ADGRL2: variants seen among roughly 807,000 people sequenced by gnomAD.
The protein encoded by ADGRL2 is adhesion G protein-coupled receptor L2, also known as calcium-independent alpha-latrotoxin receptor 2.
Under a neutral mutation model 157.4 loss-of-function variants are expected in ADGRL2, and 44 were observed. That is an observed-to-expected ratio of 0.28 (90% CI 0.22 to 0.36). The LOEUF (loss-of-function observed/expected upper bound fraction) is 0.36, where lower values mean the gene tolerates loss of function less well. Ranked by LOEUF, ADGRL2 falls within the 10% of genes least tolerant of loss-of-function variation. The pLI is 1.00. For synonymous variants in ADGRL2, 585 were observed against 624.7 expected, an observed-to-expected ratio of 0.94 and a Z score of 0.95; for missense variants, 1,510 against 1,768.9, an observed-to-expected ratio of 0.85 and a Z score of 2.63.
intron 1 of ADGRL2, among the ~76,000 whole-genome samples, chr1:81,437,746 C>T (rs1158022012): frequency 6.6e-6 from 1 of 152,164 alleles, no homozygotes; most frequent in Non-Finnish European, 1.5e-5. Context: ...AAGCTGTTTT[C>T]ATTTGCATGT....
chr1:81,914,234 A>G (rs568223386), intron 3 of ADGRL2, among the ~76,000 whole-genome samples: 157 of 152,252 alleles, frequency 1.0e-3, no homozygotes, highest in African/African-American at 3.7e-3. Flanking sequence ...TCAGAGCTAT[A>G]TGAAAGATAT....
intron 1 of ADGRL2, among the ~76,000 whole-genome samples, chr1:81,423,000 T>A (rs534620198): frequency 6.6e-6 from 1 of 152,334 alleles, no homozygotes; most frequent in East Asian, 1.9e-4. Context: ...ACTCATTCCA[T>A]GTGTTTTATC....
At chr1:81,797,532 G>T (rs1359288041), upstream of ADGRL2, among the ~76,000 whole-genome samples, 1 of 152,154 alleles carries the variant, frequency 6.6e-6, no homozygotes. Context: ...GAGTAGGGCA[G>T]TGAAAGTGAT....
At chr1:81,799,345 C>T (rs1571266046), upstream of ADGRL2, among the ~76,000 whole-genome samples, 1 of 152,242 alleles carries the variant, frequency 6.6e-6, no homozygotes, top group South Asian at 2.1e-4. Context: ...CTCCTTTTAT[C>T]TTTTGAAATA....
chr1:81,915,711 C>T (rs948034114), intron 3 of ADGRL2, among the ~76,000 whole-genome samples: 3 of 152,118 alleles, frequency 2.0e-5, no homozygotes, highest in Non-Finnish European at 4.4e-5. Flanking sequence ...AGCCATATCT[C>T]ATTTCAACTT....
intron 2 of ADGRL2, among the ~76,000 whole-genome samples, chr1:81,470,179 C>T (rs2078142072): frequency 6.6e-6 from 1 of 152,178 alleles, no homozygotes; most frequent in African/African-American, 2.4e-5. Context: ...GAAGGAAGAC[C>T]TAGGACTGAT....
At chr1:81,631,197 G>A (rs1054481305) in intron 3 of ADGRL2, among the ~76,000 whole-genome samples, 4 of 151,654 alleles carry the variant, frequency 2.6e-5, no homozygotes, top group African/African-American at 4.8e-5. Context: ...GGAACCAACC[G>A]ACCTTCTTTT....
At chr1:81,952,911 T>A (rs1259368181) in intron 9 of ADGRL2, 76 bp from the exon 10 acceptor site, 1 of 1,199,728 alleles carries the variant, frequency 8.3e-7, no homozygotes, top group African/African-American at 1.5e-5. Context: ...CAGCTTAATT[T>A]TTGAGGATTT....
intron 3 of ADGRL2, among the ~76,000 whole-genome samples, chr1:81,627,236 A>G (rs1207672841): frequency 6.6e-6 from 1 of 152,140 alleles, no homozygotes; most frequent in East Asian, 1.9e-4. Context: ...TTAAATGTAT[A>G]TATTCGATTT....
chr1:81,624,401 T>G (rs1362185857), intron 3 of ADGRL2, among the ~76,000 whole-genome samples: 1 of 151,886 alleles, frequency 6.6e-6, no homozygotes, highest in African/African-American at 2.4e-5. Context: ...GCCAACAAGG[T>G]GAAACCCCAT....
At chr1:81,436,028 G>C (rs956834831) in intron 1 of ADGRL2, among the ~76,000 whole-genome samples, 1 of 152,196 alleles carries the variant, frequency 6.6e-6, no homozygotes, top group African/African-American at 2.4e-5. Flanking sequence ...CTGGGAGGCA[G>C]ATGTTGCGGT....
intron 2 of ADGRL2, among the ~76,000 whole-genome samples, chr1:81,775,663 G>T (rs1348079902): frequency 6.6e-6 from 1 of 151,982 alleles, no homozygotes; most frequent in Admixed American, 6.6e-5. Context: ...AAGAAGTCAT[G>T]CCCAAATGAC....
Position 81,757,215 on chromosome 1 carries a change from A to G in ADGRL2, c.-142-4596A>G, listed in dbSNP as rs112306146. On this transcript the variant is annotated intron_variant, in intron 1 of 20. Transcript: ENST00000359929. ...TTTAACCAACCTAAGTTAATGTAAAAGTTTGATTTGAAAGGGTCTGGAGGG... is the reference window on the plus strand; with the variant it reads ...TTTAACCAACCTAAGTTAATGTAAAGGTTTGATTTGAAAGGGTCTGGAGGG... Among the ~76,000 whole-genome samples, 419 of 152,262 alleles carry G rather than the reference A, an allele frequency of 2.8e-3. 8 individuals are homozygous for G. In the South Asian group the frequency reaches 0.041, roughly 15 times the overall value.
chr1:81,778,092 G>A (rs893866281), intron 2 of ADGRL2, among the ~76,000 whole-genome samples: 1 of 152,128 alleles, frequency 6.6e-6, no homozygotes, highest in Non-Finnish European at 1.5e-5. Flanking sequence ...AGGCTGGGTC[G>A]GGCGTATTAC....
chr1:81,792,050 A>G (rs1241280511), intron 2 of ADGRL2, among the ~76,000 whole-genome samples: 1 of 152,190 alleles, frequency 6.6e-6, no homozygotes, highest in Non-Finnish European at 1.5e-5. Context: ...TTGTTTCCAC[A>G]GATGATTTAT....
chr1:81,887,117 C>T (rs563027321), intron 2 of ADGRL2, among the ~76,000 whole-genome samples: 32 of 152,198 alleles, frequency 2.1e-4, no homozygotes, highest in African/African-American at 7.5e-4. Context: ...ATACTAAATA[C>T]GATTTGAGAA....
At chr1:81,537,183 A>G (rs887102391) in intron 2 of ADGRL2, among the ~76,000 whole-genome samples, 2 of 152,254 alleles carry the variant, frequency 1.3e-5, no homozygotes, top group African/African-American at 4.8e-5. Flanking sequence ...ACATATGCAT[A>G]TAACTAGAAA....
At chr1:81,671,596 T>C (rs2082876091) in intron 3 of ADGRL2, among the ~76,000 whole-genome samples, 2 of 151,730 alleles carry the variant, frequency 1.3e-5, no homozygotes, top group African/African-American at 4.9e-5. Flanking sequence ...CACAGCAACC[T>C]CCACCTCCTG....
intron 2 of ADGRL2, among the ~76,000 whole-genome samples, chr1:81,861,218 A>G (rs1031742632): frequency 6.6e-6 from 1 of 151,862 alleles, no homozygotes; most frequent in African/African-American, 2.4e-5. Context: ...ACGGGGTTTC[A>G]CCACATTGGC....
Sources: allele counts gnomAD v4.1 joint callset (sites outside exome capture counted in the v4.1 genomes callset), GRCh38; gene constraint gnomAD v4.1.1; transcripts MANE v1.5; gene names NCBI Gene and HGNC (gene_info 2026-07-23, HGNC 2026-07-21).